The following PIK3R6 variants were observed in gnomAD, a reference collection of about 807,000 sequenced individuals.
PIK3R6 encodes the protein phosphoinositide 3-kinase regulatory subunit 6.
PIK3R6 carries 91 observed loss-of-function variants against 84.9 expected under a neutral mutation model. The observed-to-expected ratio is 1.07, with a 90% CI of 0.90 to 1.28. The LOEUF (loss-of-function observed/expected upper bound fraction) is 1.28, where lower values mean the gene tolerates loss of function less well. Among genes scored for constraint, PIK3R6 ranks in the 50% most tolerant of loss-of-function variants. PIK3R6 has a pLI of 0.00. For missense variants in PIK3R6, 996 were observed against 985.1 expected (o/e 1.01, Z -0.15); for synonymous variants, 416 against 411.4 (o/e 1.01, Z -0.13).
At chr17:8,822,115 C>G (rs1245432488) in intron 16 of PIK3R6, among the ~76,000 whole-genome samples, 179 bp from the exon 17 acceptor site, 1 of 148,894 alleles carries the variant, frequency 6.7e-6, no homozygotes, top group Middle Eastern at 3.2e-3. Flanking sequence ...GTCTTGAACT[C>G]CTGGGCTCAA....
At chr17:8,854,288 A>G (rs549878082) in intron 1 of PIK3R6, among the ~76,000 whole-genome samples, 1 of 152,190 alleles carries the variant, frequency 6.6e-6, no homozygotes, top group South Asian at 2.1e-4. Flanking sequence ...AGCTGGGACT[A>G]CAGGCACACG....
intron 4 of PIK3R6, chr17:8,838,217 G>A: frequency 4.4e-6 from 2 of 452,680 alleles, no homozygotes. Context: ...ACAACATTGG[G>A]TAGTGTGAAG....
intron 1 of PIK3R6, among the ~76,000 whole-genome samples, chr17:8,854,383 G>A (rs1329049193): frequency 1.3e-5 from 2 of 152,084 alleles, no homozygotes; most frequent in African/African-American, 2.4e-5. Context: ...TCCTGACCTC[G>A]TTATCCTCCC....
rs867057626 is a variant in PIK3R6, at chr17:8,862,962, T to C, written c.-92+4567A>G. Among the ~76,000 whole-genome samples the C allele has an allele frequency of 1.3e-5, 2 of 152,186 alleles. No individual in the cohort carries two copies. Among genetic ancestry groups the C allele is most frequent in the Non-Finnish European group, 2.9e-5 (2 of 68,028 alleles). On this transcript the variant is annotated intron_variant, in intron 1 of 19. Coordinates refer to ENST00000619866, the MANE Select transcript of PIK3R6 (RefSeq NM_001010855.4). This position sits in a 1 kb window ranked among gnomAD's most constrained non-coding sequence, Gnocchi z 4.3. ...TTCCATAGTTCCTGAGCACCTTCTA[T>C]GTGTCAGACATTGTTCCAGGTCCCA...
chr17:8,823,863 C>T (rs751264529), intron 13 of PIK3R6, among the ~76,000 whole-genome samples: 11 of 152,090 alleles, frequency 7.2e-5, no homozygotes, highest in African/African-American at 1.9e-4. Context: ...GCCAAGCAGG[C>T]GTGGGCAAGT....
intron 18 of PIK3R6, among the ~76,000 whole-genome samples, chr17:8,812,635 A>G (rs1396769000): frequency 6.6e-6 from 1 of 152,258 alleles, no homozygotes; most frequent in Admixed American, 6.5e-5. Context: ...TGAGAATTAA[A>G]TAATTTGCTC....
intron 18 of PIK3R6, among the ~76,000 whole-genome samples, chr17:8,810,205 A>T (rs1179539992): frequency 6.8e-6 from 1 of 148,038 alleles, no homozygotes; most frequent in Non-Finnish European, 1.5e-5. Context: ...GCAGGCAAAA[A>T]GAGAGCTTGT....
At chr17:8,828,081 C>G (rs888818474) in intron 12 of PIK3R6, 31 bp downstream of exon 12, 1 of 1,607,778 alleles carries the variant, frequency 6.2e-7, no homozygotes, top group African/African-American at 1.3e-5. Flanking sequence ...CCTGTCTCTG[C>G]CCCGCCACCG....
intron 17 of PIK3R6, among the ~76,000 whole-genome samples, chr17:8,819,953 A>ATG (rs1201888897): frequency 8.5e-6 from 1 of 117,256 alleles, no homozygotes; most frequent in Non-Finnish European, 1.6e-5. Context: ...ATATATATAT[A>ATG]TATTTTTTTT....
In PIK3R6 at chr17:8,832,903, G is replaced by A. The variant is rs889298450; in HGVS notation, c.788C>T (p.Ala263Val). Residue 263 changes from alanine (A) to valine (V), a missense_variant, in exon 9 of 20, where the codon GCG becomes GTG. Transcript: ENST00000619866. ...CAGTCGCTTACCACCGCAGCGCCCC[G>A]CCGCGGGACCCAGCAGCGAGCAGTA... is the stretch of plus-strand genomic sequence containing the variant. ...EIYCSLLGPAAGRCGGDLVQE... is the reference protein window; with the variant it reads ...EIYCSLLGPAVGRCGGDLVQE... 6.2e-6 allele frequency: 10 copies of A among 1,612,604 alleles called. No homozygotes were observed. The highest frequency in any genetic ancestry group is 2.7e-5 in the African/African-American group (2 of 74,908).
intron 1 of PIK3R6, among the ~76,000 whole-genome samples, chr17:8,861,691 C>A (rs1292674151): frequency 6.6e-6 from 1 of 152,140 alleles, no homozygotes; most frequent in South Asian, 2.1e-4. Flanking sequence ...GTGTTCAAGT[C>A]ACCCTTATTT....
At chr17:8,854,320 T>A (rs985072641) in intron 1 of PIK3R6, among the ~76,000 whole-genome samples, 1 of 152,152 alleles carries the variant, frequency 6.6e-6, no homozygotes, top group Non-Finnish European at 1.5e-5. Context: ...AGGTAATTTT[T>A]GTATTTTTAG....
Position 8,835,412 on chromosome 17 carries a change from C to T in PIK3R6, c.506G>A (p.Cys169Tyr), listed in dbSNP as rs1315229648. 1 of 1,604,558 alleles carries T rather than the reference C, an allele frequency of 6.2e-7. No homozygotes were observed. Among genetic ancestry groups the T allele is most frequent in the Non-Finnish European group, 8.5e-7 (1 of 1,172,900 alleles). ...CTCGATCTCCAGTAGCAGAGCACTG[C>T]ACACAGACGCAGACACCAGCTCAGG... ...VDPELVSASV[C>Y]SALLLEIEAA... Residue 169 changes from cysteine to tyrosine, a missense_variant, in exon 8 of 20, where the codon TGC becomes TAC. By Grantham distance (194) the Cys-to-Tyr change is radical. Transcript: ENST00000619866.
rs973641674 is a variant in PIK3R6, at chr17:8,810,925, G to A, written c.1996-6772C>T. Among the ~76,000 whole-genome samples, 2 of 148,652 alleles carry A rather than the reference G, an allele frequency of 1.3e-5. 1 individual carries two copies. The highest frequency in any genetic ancestry group is 2.9e-5 in the Non-Finnish European group (2 of 67,912). On this transcript the variant is annotated intron_variant, in intron 18 of 19. Coordinates refer to ENST00000619866, the MANE Select transcript of PIK3R6 (RefSeq NM_001010855.4). ...TATCATTCTGGGTCTGGAGGATGGT[G>A]GCCCTCTTCTCACAGCTCCTAGCCC...
At chr17:8,865,113 G>A (rs764719295) in intron 1 of PIK3R6, among the ~76,000 whole-genome samples, 15 of 152,118 alleles carry the variant, frequency 9.9e-5, no homozygotes, top group Non-Finnish European at 1.8e-4. Flanking sequence ...GAGATAAAGT[G>A]GGGGTGACCT....
chr17:8,815,865 T>G (rs1179373004), intron 18 of PIK3R6, among the ~76,000 whole-genome samples: 1 of 152,216 alleles, frequency 6.6e-6, no homozygotes, highest in East Asian at 1.9e-4. Flanking sequence ...CCTGGAAATT[T>G]TTATCTACAA....
intron 1 of PIK3R6, among the ~76,000 whole-genome samples, chr17:8,851,685 C>T (rs890458280): frequency 6.6e-6 from 1 of 152,194 alleles, no homozygotes; most frequent in African/African-American, 2.4e-5. Context: ...GGCATCGCCG[C>T]TGTGGAAAAT....
chr17:8,810,950 C>A (rs1345027496), intron 18 of PIK3R6, among the ~76,000 whole-genome samples: 1 of 148,764 alleles, frequency 6.7e-6, no homozygotes, highest in East Asian at 2.2e-4. Flanking sequence ...GCTCCTAGCC[C>A]CAGCAGGGAC....
At chr17:8,837,339 C>G (rs1406877478) in intron 5 of PIK3R6, among the ~76,000 whole-genome samples, 4 of 152,028 alleles carry the variant, frequency 2.6e-5, no homozygotes, top group South Asian at 4.2e-4. Flanking sequence ...GGAGGCCCCC[C>G]TCTCCCTCCC....
Sources: gnomAD v4.1 joint callset for allele counts (sites outside exome capture counted in the v4.1 genomes callset) on GRCh38, gnomAD v4.1.1 for gene constraint, Gnocchi (gnomAD v3.1) non-coding constraint, MANE v1.5 for transcripts, NCBI Gene and HGNC (gene_info 2026-07-23, HGNC 2026-07-21) for gene names.